Variants in LIPH observed in about 807,000 individuals in gnomAD.
LIPH encodes lipase member H.
A neutral mutation model predicts 47.6 loss-of-function variants in LIPH; 32 were observed. The observed-to-expected ratio is 0.67, with a 90% CI of 0.51 to 0.90. The LOEUF (loss-of-function observed/expected upper bound fraction) is 0.90, where lower values mean the gene tolerates loss of function less well. LIPH is among the 40% of genes least tolerant of loss of function. The pLI, the probability that LIPH is intolerant of heterozygous loss-of-function variation, is 0.00. For missense variants in LIPH, 497 were observed against 541.4 expected (o/e 0.92, Z 0.81); for synonymous variants, 190 against 195.6 (o/e 0.97, Z 0.24).
chr3:185,531,567 A>AT (rs1560166026), intron 3 of LIPH, among the ~76,000 whole-genome samples: 1 of 151,006 alleles, frequency 6.6e-6, no homozygotes, highest in Non-Finnish European at 1.5e-5. Flanking sequence ...AAAAAAAAAA[A>AT]AAAAAAGAAG....
intron 5 of LIPH, 86 bp downstream of exon 5, chr3:185,523,985 G>T (rs1320901184): frequency 1.4e-5 from 13 of 917,940 alleles, no homozygotes; most frequent in Non-Finnish European, 2.2e-5. Context: ...GCCTCCCAAA[G>T]TGCTGGGATT....
chr3:185,539,528 G>A (rs1399748859), intron 1 of LIPH, among the ~76,000 whole-genome samples: 5 of 151,388 alleles, frequency 3.3e-5, no homozygotes, highest in Non-Finnish European at 2.9e-5. Context: ...CCGCCACCAC[G>A]CTAAGCTAAT....
intron 5 of LIPH, among the ~76,000 whole-genome samples, chr3:185,520,190 G>A (rs1719857106): frequency 6.6e-6 from 1 of 152,084 alleles, no homozygotes; most frequent in Non-Finnish European, 1.5e-5. Context: ...CCCAGGTCAT[G>A]GAGAATCAGA....
Position 185,522,439 on chromosome 3 carries a change from A to AAAGG in LIPH, c.718+1628_718+1631dup, listed in dbSNP as rs147923310. Among the ~76,000 whole-genome samples, 253 of 151,596 alleles carry AAAGG rather than the reference A, an allele frequency of 1.7e-3. 1 individual carries two copies. Among genetic ancestry groups the AAAGG allele is most frequent in the African/African-American group, 5.7e-3 (235 of 41,310 alleles). On this transcript the variant is annotated intron_variant, in intron 5 of 9. Transcript: ENST00000296252. ...CAGGAGGATCGCAAAGAAAGAAGAG[A>AAAGG]AAGGAAGGAAGGAAGGAAGAAGGAA...
At chr3:185,548,312 G>A (rs1720942553) in intron 1 of LIPH, among the ~76,000 whole-genome samples, 1 of 151,912 alleles carries the variant, frequency 6.6e-6, no homozygotes, top group Non-Finnish European at 1.5e-5. Context: ...GGCTGAGGCA[G>A]GAGAATTGCT....
At chr3:185,550,710 C>T (rs1721023480) in intron 1 of LIPH, among the ~76,000 whole-genome samples, 1 of 152,032 alleles carries the variant, frequency 6.6e-6, no homozygotes, top group African/African-American at 2.4e-5. Flanking sequence ...GCTGGGATAA[C>T]AGGTGCATGC....
intron 1 of LIPH, among the ~76,000 whole-genome samples, chr3:185,538,462 T>C (rs1207474012): frequency 6.6e-6 from 1 of 152,190 alleles, no homozygotes; most frequent in African/African-American, 2.4e-5. Flanking sequence ...TCAGGAATCT[T>C]CTTTCTCTTG....
intron 1 of LIPH, among the ~76,000 whole-genome samples, chr3:185,536,201 T>C (rs1720498237): frequency 6.6e-6 from 1 of 152,192 alleles, no homozygotes; most frequent in Non-Finnish European, 1.5e-5. Context: ...TCATTACTTG[T>C]ATATCCCTCA....
intron 1 of LIPH, among the ~76,000 whole-genome samples, chr3:185,539,404 C>G (rs111983228): frequency 3.5e-5 from 5 of 142,340 alleles, no homozygotes; most frequent in African/African-American, 1.3e-4. Context: ...CAGTTTCAGT[C>G]TGTTGCCCAG....
intron 5 of LIPH, among the ~76,000 whole-genome samples, chr3:185,521,051 A>G (rs1360389005): frequency 6.6e-6 from 1 of 151,990 alleles, no homozygotes; most frequent in African/African-American, 2.4e-5. Context: ...GTATTTTAGT[A>G]GATACAGGGT....
chr3:185,510,853 T>C (rs1719540109), intron 9 of LIPH, among the ~76,000 whole-genome samples: 1 of 152,224 alleles, frequency 6.6e-6, no homozygotes, highest in South Asian at 2.1e-4. Context: ...TTTAATCAGC[T>C]TGCCAAATTA....
Position 185,523,803 on chromosome 3 carries a change from AC to A in LIPH, c.718+267del, listed in dbSNP as rs140893128. Among the ~76,000 whole-genome samples the A allele has an allele frequency of 0.33, 50,271 of 151,548 alleles. 8,995 individuals carry two copies. The highest frequency in any genetic ancestry group is 0.4 in the Non-Finnish European group (27,278 of 67,898). ...AGTGGCGTGAACTCGGCTCACCGCA[AC>A]CTCTGTCTCCCAGGTTCAAGAGATT... is the stretch of plus-strand genomic sequence containing the variant. On this transcript the variant is annotated intron_variant, in intron 5 of 9. Transcript: ENST00000296252.
intron 1 of LIPH, among the ~76,000 whole-genome samples, chr3:185,539,485 C>T (rs1263097551): frequency 6.6e-6 from 1 of 151,346 alleles, no homozygotes. Context: ...ATTCTACTGC[C>T]TCAGCCTCTT....
At chr3:185,526,298 A>G (rs1481694283) in intron 4 of LIPH, among the ~76,000 whole-genome samples, 1 of 152,130 alleles carries the variant, frequency 6.6e-6, no homozygotes, top group African/African-American at 2.4e-5. Flanking sequence ...AGGCGGGTGG[A>G]TCACCTGACC....
intron 3 of LIPH, among the ~76,000 whole-genome samples, chr3:185,532,761 G>A (rs576217140): frequency 2.0e-5 from 3 of 152,266 alleles, no homozygotes; most frequent in South Asian, 4.1e-4. Context: ...CTGCACTCCA[G>A]CCTGGGTGAC....
intron 4 of LIPH, among the ~76,000 whole-genome samples, chr3:185,527,085 A>G (rs1720128748): frequency 1.3e-5 from 2 of 152,104 alleles, no homozygotes; most frequent in Non-Finnish European, 2.9e-5. Context: ...TAAAAATACA[A>G]AAAATTAGCC....
At chr3:185,543,996 G>C (rs539907476) in intron 1 of LIPH, among the ~76,000 whole-genome samples, 1 of 151,752 alleles carries the variant, frequency 6.6e-6, no homozygotes, top group Non-Finnish European at 1.5e-5. Flanking sequence ...GATTATAGGT[G>C]CATGCCACCA....
Position 185,540,925 on chromosome 3 carries a change from C to T in LIPH, c.50-5793G>A, listed in dbSNP as rs1424725100. ...GGATTTCCGACTCGGAGTGCGCTGC[C>T]GACTTCTGCCATGTGTTCTGCTGCT... On this transcript the variant is annotated intron_variant, in intron 1 of 9. Transcript: ENST00000296252. 3.3e-5 allele frequency among the ~76,000 whole-genome samples: 5 copies of T among 152,070 alleles called. No individual in the cohort carries two copies. The East Asian group carries it at 7.7e-4, about 23-fold the overall frequency.
At chr3:185,527,858 C>T (rs1456425705) in intron 3 of LIPH, among the ~76,000 whole-genome samples, 1 of 150,006 alleles carries the variant, frequency 6.7e-6, no homozygotes, top group African/African-American at 2.5e-5. Context: ...AGGGAACGTA[C>T]ACGTGTATGA....
Sources: gnomAD v4.1 joint callset for allele counts (sites outside exome capture counted in the v4.1 genomes callset) on GRCh38, gnomAD v4.1.1 for gene constraint, MANE v1.5 for transcripts, NCBI Gene and HGNC (gene_info 2026-07-23, HGNC 2026-07-21) for gene names.